ERBB4: variants seen among roughly 807,000 people sequenced by gnomAD.
ERBB4 encodes receptor tyrosine-protein kinase erbB-4.
ERBB4 carries 42 observed loss-of-function variants against 158.0 expected under a neutral mutation model. The ratio of observed to expected loss-of-function variants is 0.27; its 90% CI spans 0.21 to 0.34. The LOEUF (loss-of-function observed/expected upper bound fraction) is 0.34. Among genes scored for constraint, ERBB4 ranks in the 10% least tolerant of loss-of-function variants. The probability of loss-of-function intolerance (pLI) is 1.00; values close to 1 mark genes in which losing one functional copy is unlikely to be tolerated. For synonymous variants in ERBB4, 583 were observed against 558.7 expected (o/e 1.04, Z -0.61); for missense variants, 1,333 against 1,624.1 (o/e 0.82, Z 3.08).
At chr2:211,649,720 C>G (rs2070912859) in intron 16 of ERBB4, among the ~76,000 whole-genome samples, 1 of 151,806 alleles carries the variant, frequency 6.6e-6, no homozygotes, top group Non-Finnish European at 1.5e-5. Context: ...TTACTCTGAG[C>G]AGAAGAACAG....
chr2:212,241,222 A>G (rs1022155805), intron 1 of ERBB4, among the ~76,000 whole-genome samples: 1 of 152,050 alleles, frequency 6.6e-6, no homozygotes, highest in African/African-American at 2.4e-5. Flanking sequence ...ATGACACTGC[A>G]CTCCAGATTG....
chr2:211,945,945 T>G (rs1028342987), intron 3 of ERBB4, among the ~76,000 whole-genome samples: 1 of 152,066 alleles, frequency 6.6e-6, no homozygotes, highest in Non-Finnish European at 1.5e-5. Context: ...ATGCTTCCTA[T>G]GCAGGTTTTA....
chr2:211,546,721 C>T (rs2066950214), intron 20 of ERBB4, among the ~76,000 whole-genome samples: 1 of 152,060 alleles, frequency 6.6e-6, no homozygotes, highest in African/African-American at 2.4e-5. Flanking sequence ...TTCATAGCCA[C>T]CATTATACTA....
At chr2:211,641,799 T>C (rs1233019419) in intron 16 of ERBB4, among the ~76,000 whole-genome samples, 1 of 152,118 alleles carries the variant, frequency 6.6e-6, no homozygotes, top group African/African-American at 2.4e-5. Flanking sequence ...TCAAGAATAT[T>C]TGTTTTTAGT....
At chr2:211,988,646 C>T (rs2081996338) in intron 2 of ERBB4, among the ~76,000 whole-genome samples, 1 of 152,026 alleles carries the variant, frequency 6.6e-6, no homozygotes, top group Non-Finnish European at 1.5e-5. Flanking sequence ...CATTTTAATT[C>T]ACTCCAGTGA....
intron 20 of ERBB4, among the ~76,000 whole-genome samples, chr2:211,493,031 T>G (rs1209868291): frequency 6.6e-6 from 1 of 152,160 alleles, no homozygotes; most frequent in African/African-American, 2.4e-5. Context: ...CATTAATGAT[T>G]TCAATTAATT....
chr2:211,754,547 C>T (rs1422179140), intron 4 of ERBB4, among the ~76,000 whole-genome samples: 1 of 150,192 alleles, frequency 6.7e-6, no homozygotes, highest in Non-Finnish European at 1.5e-5. Flanking sequence ...ATTACAGGTG[C>T]CTGCCATACG....
chr2:212,181,189 C>T (rs1039430209), intron 1 of ERBB4, among the ~76,000 whole-genome samples: 2 of 151,612 alleles, frequency 1.3e-5, no homozygotes, highest in Non-Finnish European at 3.0e-5. Flanking sequence ...CACTGTTTTC[C>T]TATAACTTGA....
At chr2:211,400,466 G>A (rs1347143622) in intron 25 of ERBB4, among the ~76,000 whole-genome samples, 2 of 152,078 alleles carry the variant, frequency 1.3e-5, no homozygotes, top group African/African-American at 4.8e-5. Context: ...TGTGAGGGTA[G>A]AGGTTATTTT....
chr2:211,806,098 A>C (rs1309045125), intron 3 of ERBB4, among the ~76,000 whole-genome samples: 1 of 152,104 alleles, frequency 6.6e-6, no homozygotes, highest in Non-Finnish European at 1.5e-5. Context: ...CGAGCCAAAT[A>C]ATTTCCCATA....
chr2:211,933,616 C>A (rs1010069181), intron 3 of ERBB4, among the ~76,000 whole-genome samples: 8 of 151,896 alleles, frequency 5.3e-5, no homozygotes, highest in Non-Finnish European at 1.2e-4. Flanking sequence ...CTTTTTGTTA[C>A]CTTCCTCTTT....
chr2:211,911,728 TTGG>T (rs1424734631), intron 3 of ERBB4, among the ~76,000 whole-genome samples: 1 of 151,382 alleles, frequency 6.6e-6, no homozygotes, highest in Non-Finnish European at 1.5e-5. Flanking sequence ...GAAACAGCGA[TTGG>T]TGGTTACAGA....
chr2:212,295,592 T>C (rs889396912), intron 1 of ERBB4, among the ~76,000 whole-genome samples: 1 of 152,094 alleles, frequency 6.6e-6, no homozygotes, highest in Non-Finnish European at 1.5e-5. Context: ...ACAGGGGTTT[T>C]AGAGTCAAGT....
At position 211,383,291 on chromosome 2, in the gene ERBB4, A is replaced by G; in HGVS notation, c.*324T>C. On this transcript the variant is annotated 3_prime_UTR_variant, in exon 28 of 28. Coordinates refer to ENST00000342788, the MANE Select transcript of ERBB4 (RefSeq NM_005235.3). The stretch of plus-strand genomic sequence containing the variant: ...GGAAGAAAGAAACAAAGAAAGAAAA[A>G]GAAAAAGAAAAAAAGTGACAGCTAG... The G allele has an allele frequency of 3.2e-6, 1 of 309,300 alleles. No homozygotes were observed. Among genetic ancestry groups the G allele is most frequent in the Non-Finnish European group, 6.1e-6 (1 of 164,830 alleles). The allele number at this position is 309,300 out of a possible 1,614,324, so 19.2% of individuals were successfully genotyped here.
intron 20 of ERBB4, among the ~76,000 whole-genome samples, chr2:211,432,082 G>A (rs193274626): frequency 2.6e-5 from 4 of 152,282 alleles, no homozygotes; most frequent in East Asian, 3.9e-4. Context: ...TTGTTGAAGT[G>A]TTAGGGGAAA....
chr2:212,422,659 T>C (rs1294792655), intron 1 of ERBB4, among the ~76,000 whole-genome samples: 1 of 152,252 alleles, frequency 6.6e-6, no homozygotes, highest in Non-Finnish European at 1.5e-5. Flanking sequence ...AACCTTTTAC[T>C]GTGAGAGCGA....
At chr2:212,475,876 A>G (rs1477903965) in intron 1 of ERBB4, among the ~76,000 whole-genome samples, 1 of 151,994 alleles carries the variant, frequency 6.6e-6, no homozygotes, top group Non-Finnish European at 1.5e-5. Context: ...TCCCTTCTTT[A>G]CCCTTACTCA....
intron 1 of ERBB4, among the ~76,000 whole-genome samples, chr2:212,370,709 A>G (rs1386767591): frequency 6.6e-6 from 1 of 152,124 alleles, no homozygotes; most frequent in Admixed American, 6.6e-5. Flanking sequence ...TTTATTGTTC[A>G]GAATCTTAAA....
chr2:211,868,613 A>G (rs112838479), intron 3 of ERBB4, among the ~76,000 whole-genome samples: 347 of 152,282 alleles, frequency 2.3e-3, no homozygotes, highest in Non-Finnish European at 4.0e-3. Flanking sequence ...TGTTTATTCT[A>G]TGTGTCCTCT....
Sources: gnomAD v4.1 joint callset for allele counts (sites outside exome capture counted in the v4.1 genomes callset) on GRCh38, gnomAD v4.1.1 for gene constraint, MANE v1.5 for transcripts, NCBI Gene and HGNC (gene_info 2026-07-23, HGNC 2026-07-21) for gene names.